CASP2: variants seen among roughly 807,000 people sequenced by gnomAD.
The protein encoded by CASP2 is caspase 2.
CASP2 carries 38 observed loss-of-function variants against 54.4 expected under a neutral mutation model. The ratio of observed to expected loss-of-function variants is 0.70; its 90% CI spans 0.54 to 0.92. The LOEUF (loss-of-function observed/expected upper bound fraction) is 0.92, where lower values mean the gene tolerates loss of function less well. Ranked by LOEUF, CASP2 falls within the 40% of genes least tolerant of loss-of-function variation. The probability of loss-of-function intolerance (pLI) is 0.00; values close to 1 mark genes in which losing one functional copy is unlikely to be tolerated. For synonymous variants in CASP2, 215 were observed against 216.3 expected, an observed-to-expected ratio of 0.99 and a Z score of 0.05; for missense variants, 512 against 579.6, an observed-to-expected ratio of 0.88 and a Z score of 1.20.
At position 143,305,639 on chromosome 7, in the gene CASP2, A is replaced by T; in HGVS notation, c.*568A>T. ...CAGAAGCGGCCTGTGCGTTCCCTTC[A>T]GTACTGCAGCGCCACCCAGTGGAAG... On this transcript the variant is annotated 3_prime_UTR_variant, in exon 11 of 11. Coordinates refer to ENST00000310447, the MANE Select transcript of CASP2 (RefSeq NM_032982.4). The T allele has an allele frequency of 2.7e-5, 5 of 183,648 alleles. No homozygotes were observed. The highest frequency in any genetic ancestry group is 1.1e-4 in the South Asian group (1 of 9,082). 11.4% of individuals were successfully genotyped at this position (183,648 alleles called of 1,614,324 possible).
rs35440867 is a variant in CASP2 at position 143,290,055 on chromosome 7, CTTT to C, written c.75-1464_75-1462del. On this transcript the variant is annotated intron_variant, in intron 1 of 10. Coordinates refer to ENST00000310447, the MANE Select transcript of CASP2 (RefSeq NM_032982.4). The stretch of plus-strand genomic sequence containing the variant: ...TCTAAGATACACATTTTTTCCCTCC[CTTT>C]TTTTTTTTTTTTTTTTTTTTGGACG... Among the ~76,000 whole-genome samples the C allele has an allele frequency of 2.2e-3, 257 of 114,550 alleles. 1 individual carries two copies. The highest frequency in any genetic ancestry group is 6.4e-3 in the African/African-American group (172 of 26,738). 75.1% of individuals were successfully genotyped at this position (114,550 alleles called of 152,430 possible). A position where few individuals can be genotyped will look rare whatever the true frequency, so the allele number is the denominator to read the frequency against.
At chr7:143,300,606 G>A (rs1586466294) in intron 8 of CASP2, 5 of 1,388,108 alleles carry the variant, frequency 3.6e-6, no homozygotes, top group Non-Finnish European at 4.7e-6. Flanking sequence ...CATTAACTCT[G>A]GTGCCCTTTT....
rs1802018555 is a variant in CASP2 at position 143,304,790 on chromosome 7, C to T, written c.1227+7C>T. ...GGCCGACATGCTGGTTAAGGTGAGCCAGCGGGCTCCGTGACCCCTGTGTGT... is the reference window on the plus strand; with the variant it reads ...GGCCGACATGCTGGTTAAGGTGAGCTAGCGGGCTCCGTGACCCCTGTGTGT... On this transcript the variant is annotated splice_region_variant and intron_variant, in intron 10 of 10. Coordinates refer to ENST00000310447, the MANE Select transcript of CASP2 (RefSeq NM_032982.4). 6.2e-7 allele frequency: 1 copy of T among 1,612,408 alleles called. No homozygotes were observed. The highest frequency in any genetic ancestry group is 1.3e-5 in the African/African-American group (1 of 74,904).
chr7:143,307,193 G>C lies in CASP2; in HGVS notation c.*2122G>C, dbSNP rs1387504376. The C allele has an allele frequency of 6.6e-6, 1 of 152,010 alleles. No individual in the cohort carries two copies. The highest frequency in any genetic ancestry group is 1.5e-5 in the Non-Finnish European group (1 of 68,032). 9.4% of individuals were successfully genotyped at this position (152,010 alleles called of 1,614,324 possible). On this transcript the variant is annotated 3_prime_UTR_variant, in exon 11 of 11. Transcript: ENST00000310447. Reference sequence around the variant, plus strand: ...GTTTATATATATGCTACTTTTACTTGTTCATTTCTGTCTCCCCTACCAGGC... The same window carrying C: ...GTTTATATATATGCTACTTTTACTTCTTCATTTCTGTCTCCCCTACCAGGC...
intron 8 of CASP2, chr7:143,300,893 C>T (rs1801898386): frequency 9.5e-7 from 1 of 1,054,152 alleles, no homozygotes; most frequent in South Asian, 3.1e-5. Context: ...CTTTAAGAGC[C>T]AGGACTGCAG....
intron 6 of CASP2, 41 bp from the exon 7 acceptor site, chr7:143,299,882 G>GCTGACCT: frequency 6.2e-7 from 1 of 1,613,338 alleles, no homozygotes; most frequent in Non-Finnish European, 8.5e-7. Flanking sequence ...TTATGTTGGT[G>GCTGACCT]CTGACCTTAG....
intron 6 of CASP2, among the ~76,000 whole-genome samples, chr7:143,299,675 G>A (rs1200630045): frequency 6.6e-6 from 1 of 152,108 alleles, no homozygotes; most frequent in Non-Finnish European, 1.5e-5. Context: ...TAATCCAGGA[G>A]CTGTTTGCCT....
In CASP2 at chr7:143,307,387, G is replaced by A. The variant is rs1035902423; in HGVS notation, c.*2316G>A. 1.3e-5 allele frequency: 2 copies of A among 152,118 alleles called. No individual in the cohort carries two copies. The highest frequency in any genetic ancestry group is 4.8e-5 in the African/African-American group (2 of 41,438). 9.4% of individuals were successfully genotyped at this position (152,118 alleles called of 1,614,324 possible). On this transcript the variant is annotated 3_prime_UTR_variant, in exon 11 of 11. Coordinates refer to ENST00000310447, the MANE Select transcript of CASP2 (RefSeq NM_032982.4). ...AAATGTTCCTTTTGACAATATACAC[G>A]GATTATTATTTGTACTTTGTTTTTC... is the stretch of plus-strand genomic sequence containing the variant.
At chr7:143,304,612 A>T (rs1802013024) in intron 9 of CASP2, 62 bp from the exon 10 acceptor site, 1 of 1,210,826 alleles carries the variant, frequency 8.3e-7, no homozygotes, top group South Asian at 1.2e-5. Flanking sequence ...GGCCGAGTCT[A>T]GTTTGGGAAG....
intron 8 of CASP2, 30 bp downstream of exon 8, chr7:143,300,324 T>A: frequency 6.2e-7 from 1 of 1,610,684 alleles, no homozygotes; most frequent in Non-Finnish European, 8.5e-7. Context: ...AGCACCTGGG[T>A]GGTGGCTCCT....
chr7:143,293,799 GTTA>G (rs1292017295), intron 4 of CASP2, among the ~76,000 whole-genome samples: 5 of 152,278 alleles, frequency 3.3e-5, no homozygotes, highest in African/African-American at 1.2e-4. Flanking sequence ...CAGGCAAGGT[GTTA>G]TTAATAGTTG....
At chr7:143,302,835 A>G (rs923239014) in intron 8 of CASP2, 9 of 152,240 alleles carry the variant, frequency 5.9e-5, no homozygotes, top group African/African-American at 2.2e-4. Flanking sequence ...CTTGGGATAC[A>G]TAAGGCTTGT....
At chr7:143,293,234 C>T in intron 4 of CASP2, 1 of 545,448 alleles carries the variant, frequency 1.8e-6, no homozygotes, top group Non-Finnish European at 3.2e-6. Flanking sequence ...TTGAAGGGCT[C>T]CTCCTGCCTC....
In CASP2 at chr7:143,291,702, C is replaced by G. The variant is rs1324483467; in HGVS notation, c.225+12C>G. 1 of 1,602,128 alleles carries G rather than the reference C, an allele frequency of 6.2e-7. No homozygotes were observed. Among genetic ancestry groups the G allele is most frequent in the Non-Finnish European group, 8.5e-7 (1 of 1,174,594 alleles). ...GGGAGCTCATCCAGGTATCTGGAGG[C>G]AAAAGAGAGAAGATAAATTGATCAT... On this transcript the variant is annotated intron_variant, in intron 2 of 10. Coordinates refer to ENST00000310447, the MANE Select transcript of CASP2 (RefSeq NM_032982.4).
Position 143,294,685 on chromosome 7 carries a change from C to G in CASP2, c.659C>G (p.Ser220Cys). Residue 220 changes from serine to cysteine, a missense_variant, in exon 6 of 11, where the codon TCT (serine) becomes TGT (cysteine). This residue lies in a region of CASP2 where 417 missense variants were observed against 495.4 expected (regional missense o/e 0.84). Coordinates refer to ENST00000310447, the MANE Select transcript of CASP2 (RefSeq NM_032982.4). ...GGAGAGAAAGAACTGGAATTTCGCT[C>G]TGGAGGGGATGTGGACCACAGTACT... ...FTGEKELEFRSGGDVDHSTLV... is the reference protein window; with the variant it reads ...FTGEKELEFRCGGDVDHSTLV... 1 of 1,614,162 alleles carries G rather than the reference C, an allele frequency of 6.2e-7. No individual in the cohort carries two copies. Among genetic ancestry groups the G allele is most frequent in the Non-Finnish European group, 8.5e-7 (1 of 1,180,026 alleles).
intron 10 of CASP2, 43 bp downstream of exon 10, chr7:143,304,826 C>T (rs193140652): frequency 1.2e-6 from 2 of 1,601,448 alleles, no homozygotes; most frequent in East Asian, 2.2e-5. Context: ...CTCCACAGTG[C>T]TCTACTTTCC....
chr7:143,295,960 G>T (rs932267491), intron 6 of CASP2, among the ~76,000 whole-genome samples: 2 of 152,198 alleles, frequency 1.3e-5, no homozygotes, highest in Admixed American at 6.5e-5. Flanking sequence ...CCTACAGAAG[G>T]TCACTTAACA....
At chr7:143,299,902 C>CT in intron 6 of CASP2, 21 bp from the exon 7 acceptor site, 1 of 1,614,064 alleles carries the variant, frequency 6.2e-7, no homozygotes, top group East Asian at 2.2e-5. Context: ...GTGCACAACA[C>CT]TAAACATTCC....
At chr7:143,291,924 A>G (rs1212227465) in intron 2 of CASP2, among the ~76,000 whole-genome samples, 2 of 151,572 alleles carry the variant, frequency 1.3e-5, no homozygotes, top group East Asian at 1.9e-4. Flanking sequence ...GACTACAGGC[A>G]GGTGCCACCA....
Sources: gnomAD v4.1 joint callset for allele counts (sites outside exome capture counted in the v4.1 genomes callset) on GRCh38, gnomAD v4.1.1 for gene constraint, gnomAD v4.1.1 regional missense constraint, MANE v1.5 for transcripts, NCBI Gene and HGNC (gene_info 2026-07-23, HGNC 2026-07-21) for gene names.